The following STXBP5L variants were observed in gnomAD, a reference collection of about 807,000 sequenced individuals.
STXBP5L encodes syntaxin binding protein 5L.
STXBP5L carries 65 observed loss-of-function variants against 144.5 expected under a neutral mutation model. The observed-to-expected ratio is 0.45, with a 90% CI of 0.37 to 0.55. STXBP5L has a LOEUF of 0.55. Ranked by LOEUF, STXBP5L falls within the 20% of genes least tolerant of loss-of-function variation. The pLI is 0.00. For synonymous variants in STXBP5L, 505 were observed against 469.6 expected (o/e 1.08, Z -0.97); for missense variants, 1,298 against 1,405.5 (o/e 0.92, Z 1.22).
chr3:121,139,223 G>A (rs1206084519), intron 7 of STXBP5L, among the ~76,000 whole-genome samples: 3 of 151,984 alleles, frequency 2.0e-5, no homozygotes, highest in Non-Finnish European at 4.4e-5. Context: ...TATAAAAGCT[G>A]AAGGAGAAGA....
rs187875149 is a variant in STXBP5L at position 121,112,599 on chromosome 3, G to T, written c.471-2326G>T. Among the ~76,000 whole-genome samples, 232 of 151,656 alleles carry T rather than the reference G, an allele frequency of 1.5e-3. 1 individual carries two copies. Among genetic ancestry groups the T allele is most frequent in the African/African-American group, 5.4e-3 (225 of 41,344 alleles). ...GAGCCTTCGACCGCAGCTATTTCCAGTCAATCATCTTGGTCCCTCCCGGCA... is the reference window on the plus strand; with the variant it reads ...GAGCCTTCGACCGCAGCTATTTCCATTCAATCATCTTGGTCCCTCCCGGCA... On this transcript the variant is annotated intron_variant, in intron 5 of 26. Coordinates refer to ENST00000471454, the MANE Select transcript of STXBP5L (RefSeq NM_001308330.2).
intron 5 of STXBP5L, among the ~76,000 whole-genome samples, chr3:121,080,468 T>C (rs1483278648): frequency 6.6e-6 from 1 of 152,140 alleles, no homozygotes; most frequent in Non-Finnish European, 1.5e-5. Flanking sequence ...AATATTGAGG[T>C]TTTGTTTCAA....
intron 20 of STXBP5L, among the ~76,000 whole-genome samples, chr3:121,371,130 A>T (rs2046016796): frequency 6.6e-6 from 1 of 152,132 alleles, no homozygotes; most frequent in Non-Finnish European, 1.5e-5. Context: ...TCTCATCTTT[A>T]TGGGCTGATG....
intron 2 of STXBP5L, among the ~76,000 whole-genome samples, chr3:120,919,970 T>C (rs75706730): frequency 0.015 from 2,251 of 151,952 alleles, 20 homozygotes; most frequent in Middle Eastern, 0.037. Flanking sequence ...TATTTTATAA[T>C]GTATTTGATA....
intron 3 of STXBP5L, among the ~76,000 whole-genome samples, chr3:120,975,157 G>A (rs559011469): frequency 6.6e-6 from 1 of 152,130 alleles, no homozygotes; most frequent in Non-Finnish European, 1.5e-5. Context: ...TCACGATATT[G>A]CTTCTTCCTA....
At chr3:121,138,409 A>G (rs2045355619) in intron 7 of STXBP5L, among the ~76,000 whole-genome samples, 1 of 152,170 alleles carries the variant, frequency 6.6e-6, no homozygotes, top group Admixed American at 6.5e-5. Flanking sequence ...AAAAAACACC[A>G]CAAAGTTTGT....
chr3:121,151,735 C>T (rs1419406349), intron 7 of STXBP5L, among the ~76,000 whole-genome samples: 1 of 151,596 alleles, frequency 6.6e-6, no homozygotes, highest in Non-Finnish European at 1.5e-5. Flanking sequence ...TTTCCCTAAC[C>T]AATGATAGGT....
chr3:121,353,161 TGCCAG>T, intron 20 of STXBP5L, among the ~76,000 whole-genome samples: 1 of 152,212 alleles, frequency 6.6e-6, no homozygotes, highest in Non-Finnish European at 1.5e-5. Flanking sequence ...GTTGTGTCTC[TGCCAG>T]GCTTTGGTAT....
chr3:121,285,309 A>G (rs1480962177), intron 19 of STXBP5L, among the ~76,000 whole-genome samples: 1 of 152,112 alleles, frequency 6.6e-6, no homozygotes, highest in Non-Finnish European at 1.5e-5. Flanking sequence ...AAAGCCACAC[A>G]GAATAAGTGG....
At chr3:121,416,496 TTTATTTATTTA>T (rs1337571338) in intron 25 of STXBP5L, among the ~76,000 whole-genome samples, 8 of 93,564 alleles carry the variant, frequency 8.6e-5, no homozygotes, top group African/African-American at 1.4e-4. Context: ...TATTTATTTA[TTTATTTATTTA>T]TTATTTATTT....
At chr3:121,122,253 A>G (rs1358182207) in intron 7 of STXBP5L, among the ~76,000 whole-genome samples, 2 of 150,424 alleles carry the variant, frequency 1.3e-5, no homozygotes, top group Non-Finnish European at 1.5e-5. Flanking sequence ...ATTATTTAGT[A>G]TATAGGTTTG....
intron 3 of STXBP5L, among the ~76,000 whole-genome samples, chr3:120,964,927 A>C (rs1323829428): frequency 1.3e-5 from 2 of 152,278 alleles, no homozygotes; most frequent in East Asian, 3.9e-4. Context: ...TATGTCTCTA[A>C]GGACTTGCTG....
chr3:121,422,878 T>A lies in STXBP5L; in HGVS notation c.*3781T>A, dbSNP rs1217081144. The A allele has an allele frequency of 6.6e-6, 1 of 152,118 alleles. No individual in the cohort carries two copies. Among genetic ancestry groups the A allele is most frequent in the Non-Finnish European group, 1.5e-5 (1 of 68,008 alleles). 9.4% of individuals were successfully genotyped at this position (152,118 alleles called of 1,614,324 possible). A position where few individuals can be genotyped will look rare whatever the true frequency, so the allele number is the denominator to read the frequency against. On this transcript the variant is annotated 3_prime_UTR_variant, in exon 27 of 27. Coordinates refer to ENST00000471454, the MANE Select transcript of STXBP5L (RefSeq NM_001308330.2). ...GTACCAGTTTTAAAGGCATCATCTA[T>A]ACTTTATCTACATGAAGGGATCACC...
At chr3:121,329,134 G>A (rs571695270) in intron 20 of STXBP5L, among the ~76,000 whole-genome samples, 163 of 152,102 alleles carry the variant, frequency 1.1e-3, no homozygotes, top group Non-Finnish European at 2.0e-3. Flanking sequence ...GGCTTCTCTT[G>A]TATGGAAAAT....
intron 9 of STXBP5L, among the ~76,000 whole-genome samples, chr3:121,177,411 C>A (rs1442719805): frequency 6.6e-6 from 1 of 151,986 alleles, no homozygotes; most frequent in Non-Finnish European, 1.5e-5. Context: ...AACTCAACAA[C>A]AACAACTACA....
intron 19 of STXBP5L, among the ~76,000 whole-genome samples, chr3:121,309,985 G>A (rs564918349): frequency 6.6e-6 from 1 of 152,152 alleles, no homozygotes; most frequent in South Asian, 2.1e-4. Flanking sequence ...ATAAATAAAT[G>A]GATCATTACA....
chr3:121,218,904 G>T (rs772495581), intron 10 of STXBP5L, among the ~76,000 whole-genome samples: 21 of 152,046 alleles, frequency 1.4e-4, no homozygotes, highest in Non-Finnish European at 2.8e-4. Flanking sequence ...TGAAATAATG[G>T]ATACAGCCTG....
At chr3:121,095,352 G>T (rs1011525529) in intron 5 of STXBP5L, among the ~76,000 whole-genome samples, 1 of 152,268 alleles carries the variant, frequency 6.6e-6, no homozygotes, top group South Asian at 2.1e-4. Flanking sequence ...GGTTGGGGAA[G>T]TTCTCTTGGA....
chr3:121,063,778 T>A (rs1301776968), intron 5 of STXBP5L, among the ~76,000 whole-genome samples: 1 of 152,030 alleles, frequency 6.6e-6, no homozygotes, highest in African/African-American at 2.4e-5. Context: ...TCCTGGCGGC[T>A]TTGTTTACAC....
Sources: allele counts gnomAD v4.1 joint callset (sites outside exome capture counted in the v4.1 genomes callset), GRCh38; gene constraint gnomAD v4.1.1; transcripts MANE v1.5; gene names NCBI Gene and HGNC (gene_info 2026-07-23, HGNC 2026-07-21).